ST6GALNAC5: variants seen among roughly 807,000 people sequenced by gnomAD.
ST6GALNAC5 encodes the protein alpha-N-acetylgalactosaminide alpha-2,6-sialyltransferase 5.
Under a neutral mutation model 33.6 loss-of-function variants are expected in ST6GALNAC5, and 27 were observed. The observed-to-expected ratio is 0.80, with a 90% CI of 0.59 to 1.11. The LOEUF (loss-of-function observed/expected upper bound fraction) is 1.11, where lower values mean the gene tolerates loss of function less well. Among genes scored for constraint, ST6GALNAC5 ranks in the 50% least tolerant of loss-of-function variants. The probability of loss-of-function intolerance (pLI) is 0.00; values close to 1 mark genes in which losing one functional copy is unlikely to be tolerated. For synonymous variants in ST6GALNAC5, 194 were observed against 171.2 expected, an observed-to-expected ratio of 1.13 and a Z score of -1.04; for missense variants, 428 against 454.0, an observed-to-expected ratio of 0.94 and a Z score of 0.52.
chr1:76,933,395 G>A (rs1046661399), intron 2 of ST6GALNAC5, among the ~76,000 whole-genome samples: 12 of 152,006 alleles, frequency 7.9e-5, no homozygotes, highest in African/African-American at 2.9e-4. Flanking sequence ...GCATGCAGAG[G>A]GGAAAAGGAA....
chr1:77,041,708 T>C (rs963566956), intron 2 of ST6GALNAC5, among the ~76,000 whole-genome samples: 1 of 152,242 alleles, frequency 6.6e-6, no homozygotes, highest in East Asian at 1.9e-4. Flanking sequence ...ACATCTGGAA[T>C]GTGGCACTTC....
rs138341351 is a variant in ST6GALNAC5 at position 76,962,526 on chromosome 1, C to A, written c.262-81678C>A. 1.9e-3 allele frequency among the ~76,000 whole-genome samples: 289 copies of A among 152,208 alleles called. 3 individuals are homozygous for A. The highest frequency in any genetic ancestry group is 0.018 in the Admixed American group (275 of 15,278). On this transcript the variant is annotated intron_variant, in intron 2 of 4. Coordinates refer to ENST00000477717, the MANE Select transcript of ST6GALNAC5 (RefSeq NM_030965.3). ...TCCTAAAGTGCAGATTTGGAAAATT[C>A]CAAGTAAATTTATGAAGGGTTTTTC...
chr1:76,868,778 C>T lies in ST6GALNAC5; in HGVS notation c.261+36C>T, dbSNP rs1286206377. On this transcript the variant is annotated intron_variant, in intron 2 of 4. Coordinates refer to ENST00000477717, the MANE Select transcript of ST6GALNAC5 (RefSeq NM_030965.3). The surrounding 1 kb of genome is among the most constrained non-coding windows in gnomAD (Gnocchi z 4.3). Reference sequence around the variant, plus strand: ...GCCCGCCAGCCCGCTCGCCACTCAGCCTGGGGATCCCGCACACCTGAGCCT... The same window carrying T: ...GCCCGCCAGCCCGCTCGCCACTCAGTCTGGGGATCCCGCACACCTGAGCCT... The T allele has an allele frequency of 8.2e-6, 12 of 1,460,860 alleles. No individual in the cohort carries two copies. Among genetic ancestry groups the T allele is most frequent in the Non-Finnish European group, 1.1e-5 (12 of 1,112,724 alleles). 90.5% of individuals were successfully genotyped at this position (1,460,860 alleles called of 1,614,324 possible).
chr1:76,884,290 C>T (rs995452156), intron 2 of ST6GALNAC5, among the ~76,000 whole-genome samples: 2 of 152,148 alleles, frequency 1.3e-5, no homozygotes, highest in Non-Finnish European at 2.9e-5. Context: ...TGAGGATGAT[C>T]CCAGATGGCA....
intron 2 of ST6GALNAC5, among the ~76,000 whole-genome samples, chr1:76,972,541 G>C (rs375763020): frequency 6.6e-6 from 1 of 151,884 alleles, no homozygotes; most frequent in Admixed American, 6.6e-5. Flanking sequence ...TAATGTATAC[G>C]TTTGTCCCAT....
intron 4 of ST6GALNAC5, among the ~76,000 whole-genome samples, chr1:77,057,084 TTC>T (rs1022893645): frequency 3.5e-4 from 53 of 152,314 alleles, no homozygotes; most frequent in African/African-American, 1.2e-3. Flanking sequence ...TTCAACTCTA[TTC>T]TCTCTATTCT....
chr1:76,891,913 T>C (rs761332724), intron 2 of ST6GALNAC5, among the ~76,000 whole-genome samples: 2 of 152,212 alleles, frequency 1.3e-5, no homozygotes, highest in Non-Finnish European at 2.9e-5. Flanking sequence ...TTCAGTTATA[T>C]ATACTGTCAC....
Position 76,895,279 on chromosome 1 carries a change from T to C in ST6GALNAC5, c.261+26537T>C, listed in dbSNP as rs868710936. ...ATGAAATAGTGGTAAAGTGTTGGGG[T>C]GGTGAAAATTTTGGGGGGGTGATAT... On this transcript the variant is annotated intron_variant, in intron 2 of 4. Transcript: ENST00000477717. Among the ~76,000 whole-genome samples the C allele has an allele frequency of 7.3e-5, 11 of 151,106 alleles. No homozygotes were observed. In the Middle Eastern group the frequency reaches 0.01, roughly 141 times the overall value.
chr1:76,910,866 A>G (rs973478829), intron 2 of ST6GALNAC5, among the ~76,000 whole-genome samples: 2 of 151,842 alleles, frequency 1.3e-5, no homozygotes, highest in Non-Finnish European at 2.9e-5. Flanking sequence ...GTATATTTAA[A>G]TAAGTGGTCA....
intron 2 of ST6GALNAC5, among the ~76,000 whole-genome samples, chr1:77,042,304 G>A (rs898465592): frequency 6.6e-6 from 1 of 152,078 alleles, no homozygotes; most frequent in African/African-American, 2.4e-5. Flanking sequence ...CCCTTACTCC[G>A]ACTTCAGCAG....
chr1:76,920,614 TC>T (rs1647024481), intron 2 of ST6GALNAC5, among the ~76,000 whole-genome samples: 2 of 152,208 alleles, frequency 1.3e-5, no homozygotes, highest in Non-Finnish European at 2.9e-5. Flanking sequence ...CACTCTTACC[TC>T]CTTCTGAAAA....
intron 2 of ST6GALNAC5, among the ~76,000 whole-genome samples, chr1:76,983,714 C>T (rs1454587049): frequency 2.0e-5 from 3 of 152,204 alleles, no homozygotes; most frequent in African/African-American, 7.2e-5. Context: ...ATACATTCTT[C>T]TCAGCACCAC....
chr1:77,026,864 C>T (rs922721613), intron 2 of ST6GALNAC5, among the ~76,000 whole-genome samples: 5 of 152,158 alleles, frequency 3.3e-5, no homozygotes, highest in African/African-American at 1.2e-4. Flanking sequence ...AAGTGTTGTG[C>T]TGTGGAACAC....
chr1:77,060,921 A>G (rs544688750), intron 4 of ST6GALNAC5, among the ~76,000 whole-genome samples: 1 of 152,306 alleles, frequency 6.6e-6, no homozygotes, highest in South Asian at 2.1e-4. Flanking sequence ...CAAGCATACC[A>G]TGGCAACATG....
intron 2 of ST6GALNAC5, among the ~76,000 whole-genome samples, chr1:76,899,148 C>T (rs981916413): frequency 6.6e-5 from 10 of 152,020 alleles, no homozygotes; most frequent in African/African-American, 1.4e-4. Flanking sequence ...TGGGGTCAAG[C>T]GGCATTGCAG....
intron 2 of ST6GALNAC5, among the ~76,000 whole-genome samples, chr1:76,919,203 AG>A (rs1647006246): frequency 6.6e-6 from 1 of 152,148 alleles, no homozygotes; most frequent in African/African-American, 2.4e-5. Context: ...AACAGCTTCC[AG>A]GCCGCCTCAG....
At chr1:76,903,341 C>T (rs564136673) in intron 2 of ST6GALNAC5, among the ~76,000 whole-genome samples, 24 of 152,230 alleles carry the variant, frequency 1.6e-4, no homozygotes, top group African/African-American at 5.8e-4. Flanking sequence ...GGAAATAACT[C>T]TTCACACCCC....
At chr1:77,040,124 G>A (rs1651785928) in intron 2 of ST6GALNAC5, among the ~76,000 whole-genome samples, 1 of 152,166 alleles carries the variant, frequency 6.6e-6, no homozygotes, top group African/African-American at 2.4e-5. Flanking sequence ...CGCACAATTT[G>A]TACAATTTTT....
intron 2 of ST6GALNAC5, among the ~76,000 whole-genome samples, chr1:76,920,445 G>T (rs1184564234): frequency 6.6e-6 from 1 of 152,058 alleles, no homozygotes; most frequent in African/African-American, 2.4e-5. Flanking sequence ...TGATCTTTGG[G>T]CTTCTTAAAA....
Sources: allele counts gnomAD v4.1 joint callset (sites outside exome capture counted in the v4.1 genomes callset), GRCh38; gene constraint gnomAD v4.1.1; non-coding constraint Gnocchi (gnomAD v3.1); transcripts MANE v1.5; gene names NCBI Gene and HGNC (gene_info 2026-07-23, HGNC 2026-07-21).